The following FRMD3 variants were observed in gnomAD, a reference collection of about 807,000 sequenced individuals.
FRMD3 encodes FERM domain-containing protein 3.
A neutral mutation model predicts 70.2 loss-of-function variants in FRMD3; 33 were observed. The observed-to-expected ratio is 0.47, with a 90% CI of 0.36 to 0.63. The LOEUF (loss-of-function observed/expected upper bound fraction) is 0.63. Among genes scored for constraint, FRMD3 ranks in the 20% least tolerant of loss-of-function variants. The pLI is 0.00. For synonymous variants in FRMD3, 279 were observed against 255.9 expected, an observed-to-expected ratio of 1.09 and a Z score of -0.86; for missense variants, 632 against 711.4, an observed-to-expected ratio of 0.89 and a Z score of 1.27.
chr9:83,273,564 C>T, intron 13 of FRMD3, among the ~76,000 whole-genome samples: 1 of 148,018 alleles, frequency 6.8e-6, no homozygotes, highest in African/African-American at 2.5e-5. Flanking sequence ...CTGACCTTCC[C>T]TCCACTATTG....
chr9:83,311,596 C>G (rs1431280050), intron 8 of FRMD3, among the ~76,000 whole-genome samples: 1 of 152,066 alleles, frequency 6.6e-6, no homozygotes, highest in Admixed American at 6.6e-5. Context: ...CTGACCCATC[C>G]GTGTGCCCCC....
chr9:83,581,855 T>C, the FRMD3 span, among the ~76,000 whole-genome samples: 1 of 152,152 alleles, frequency 6.6e-6, no homozygotes, highest in African/African-American at 2.4e-5. Flanking sequence ...TATGAATTCT[T>C]TTATGTGAAA....
chr9:83,327,267 T>C (rs1335116778), intron 6 of FRMD3, among the ~76,000 whole-genome samples: 1 of 152,204 alleles, frequency 6.6e-6, no homozygotes, highest in African/African-American at 2.4e-5. Context: ...TGCTGCAACT[T>C]GGTTGCAACT....
At chr9:83,452,174 G>A (rs961698271) in intron 1 of FRMD3, among the ~76,000 whole-genome samples, 3 of 152,090 alleles carry the variant, frequency 2.0e-5, no homozygotes, top group African/African-American at 7.2e-5. Flanking sequence ...TCTTTGATGC[G>A]GTAGACGCTC....
At chr9:83,377,108 C>T (rs866410455) in intron 2 of FRMD3, among the ~76,000 whole-genome samples, 1 of 152,122 alleles carries the variant, frequency 6.6e-6, no homozygotes. Context: ...CCTATGGAGG[C>T]CATGAAATAA....
chr9:83,475,840 T>A (rs933857282), intron 1 of FRMD3, among the ~76,000 whole-genome samples: 2 of 152,160 alleles, frequency 1.3e-5, no homozygotes. Flanking sequence ...AGAAAGCTAT[T>A]GGGAGGAATA....
intron 12 of FRMD3, among the ~76,000 whole-genome samples, 191 bp from the exon 13 acceptor site, chr9:83,290,918 A>G (rs1834394318): frequency 1.3e-5 from 2 of 152,206 alleles, no homozygotes; most frequent in Non-Finnish European, 2.9e-5. Flanking sequence ...GTCCTGACCA[A>G]ATGTCCCTAT....
chr9:83,505,270 C>T (rs1270634726), intron 1 of FRMD3, among the ~76,000 whole-genome samples: 2 of 152,186 alleles, frequency 1.3e-5, no homozygotes, highest in Non-Finnish European at 2.9e-5. Flanking sequence ...GAGCTCAGAA[C>T]TGCTACTCAA....
chr9:83,279,706 C>T lies in FRMD3; in HGVS notation c.1195+10897G>A, dbSNP rs538378018. Among the ~76,000 whole-genome samples, 6 of 151,636 alleles carry T rather than the reference C, an allele frequency of 4.0e-5. No homozygotes were observed. In the South Asian group the frequency reaches 1.3e-3, roughly 32 times the overall value. On this transcript the variant is annotated intron_variant, in intron 13 of 13. Transcript: ENST00000304195. ...AGAAAACTAACACGGGAACAGAAAA[C>T]CACACACCAAATGTTCTCACTTGTA...
chr9:83,375,689 G>C (rs1825120570), intron 2 of FRMD3, among the ~76,000 whole-genome samples: 1 of 152,182 alleles, frequency 6.6e-6, no homozygotes, highest in Non-Finnish European at 1.5e-5. Context: ...GGCACATAGA[G>C]GGGAACAACA....
chr9:83,429,652 T>C (rs1457333005), intron 1 of FRMD3, among the ~76,000 whole-genome samples: 2 of 152,204 alleles, frequency 1.3e-5, no homozygotes, highest in African/African-American at 4.8e-5. Flanking sequence ...TCCTGGGCCT[T>C]CGTGAGGCTT....
rs1042059638 is a variant in FRMD3 at position 83,371,132 on chromosome 9, A to G, written c.295+1781T>C. On this transcript the variant is annotated intron_variant, in intron 3 of 13. Coordinates refer to ENST00000304195, the MANE Select transcript of FRMD3 (RefSeq NM_174938.6). ...GCATGGCATTTATTTAATAAGAACCAAAGTCAAAGAACCATTTGTTATACT... is the reference window on the plus strand; with the variant it reads ...GCATGGCATTTATTTAATAAGAACCGAAGTCAAAGAACCATTTGTTATACT... Among the ~76,000 whole-genome samples, 5 of 152,342 alleles carry G rather than the reference A, an allele frequency of 3.3e-5. No individual in the cohort carries two copies. The South Asian group carries it at 1.0e-3, about 32-fold the overall frequency.
chr9:83,512,871 A>C (rs1267180747), intron 1 of FRMD3, among the ~76,000 whole-genome samples: 1 of 152,210 alleles, frequency 6.6e-6, no homozygotes, highest in African/African-American at 2.4e-5. Context: ...CTTTGAAGAC[A>C]TCCTAAGTCT....
Position 83,246,311 on chromosome 9 carries a change from C to G in FRMD3, c.*1607G>C. 2.0e-6 allele frequency: 2 copies of G among 984,638 alleles called. No individual in the cohort carries two copies. Among genetic ancestry groups the G allele is most frequent in the Non-Finnish European group, 2.4e-6 (2 of 829,296 alleles). 61.0% of individuals were successfully genotyped at this position (984,638 alleles called of 1,614,324 possible). On this transcript the variant is annotated 3_prime_UTR_variant, in exon 14 of 14. Transcript: ENST00000304195. Reference sequence around the variant, plus strand: ...AGACTCTTATCTTTCTCCCACATAACACAGTATCAGCAGGTAGTCTGCATG... The same window carrying G: ...AGACTCTTATCTTTCTCCCACATAAGACAGTATCAGCAGGTAGTCTGCATG...
chr9:83,322,405 A>G (rs867711561), intron 6 of FRMD3, among the ~76,000 whole-genome samples: 2 of 152,052 alleles, frequency 1.3e-5, no homozygotes, highest in Non-Finnish European at 2.9e-5. Flanking sequence ...AGTGCAGCCC[A>G]CTCACATCTC....
At chr9:83,373,041 A>T in intron 2 of FRMD3, 86 bp from the exon 3 acceptor site, 1 of 1,107,786 alleles carries the variant, frequency 9.0e-7, no homozygotes, top group African/African-American at 1.6e-5. Flanking sequence ...AGGAATTCCA[A>T]AGTACAGCCT....
intron 5 of FRMD3, among the ~76,000 whole-genome samples, chr9:83,338,210 TTATACC>T (rs1426793808): frequency 6.6e-6 from 1 of 152,292 alleles, no homozygotes; most frequent in East Asian, 1.9e-4. Flanking sequence ...AGATGTTACT[TTATACC>T]TATAACATTG....
At chr9:83,342,418 A>T (rs746527385) in intron 5 of FRMD3, among the ~76,000 whole-genome samples, 2 of 152,202 alleles carry the variant, frequency 1.3e-5, no homozygotes, top group Non-Finnish European at 2.9e-5. Flanking sequence ...GGTCTCTGAA[A>T]TCACATGGCA....
intron 6 of FRMD3, among the ~76,000 whole-genome samples, chr9:83,328,537 A>T (rs1309079191): frequency 6.6e-6 from 1 of 152,264 alleles, no homozygotes; most frequent in Admixed American, 6.5e-5. Context: ...ACCTCTTGAT[A>T]GTCGAAGGCG....
Sources: allele counts gnomAD v4.1 joint callset (sites outside exome capture counted in the v4.1 genomes callset), GRCh38; gene constraint gnomAD v4.1.1; transcripts MANE v1.5; gene names NCBI Gene and HGNC (gene_info 2026-07-23, HGNC 2026-07-21).